Variants in SPOCK3 observed in about 807,000 individuals in gnomAD.
SPOCK3 encodes testican-3.
SPOCK3 carries 30 observed loss-of-function variants against 56.6 expected under a neutral mutation model. The ratio of observed to expected loss-of-function variants is 0.53; its 90% CI spans 0.40 to 0.72. The LOEUF (loss-of-function observed/expected upper bound fraction) is 0.72, where lower values mean the gene tolerates loss of function less well. Among genes scored for constraint, SPOCK3 ranks in the 30% least tolerant of loss-of-function variants. The probability of loss-of-function intolerance (pLI) is 0.00; values close to 1 mark genes in which losing one functional copy is unlikely to be tolerated. For synonymous variants in SPOCK3, 196 were observed against 183.3 expected, an observed-to-expected ratio of 1.07 and a Z score of -0.56; for missense variants, 527 against 530.0, an observed-to-expected ratio of 0.99 and a Z score of 0.06.
intron 8 of SPOCK3, among the ~76,000 whole-genome samples, chr4:166,753,417 T>C (rs1736673204): frequency 6.6e-6 from 1 of 152,008 alleles, no homozygotes; most frequent in Non-Finnish European, 1.5e-5. Context: ...GTAATAAATA[T>C]TTTAATACAG....
rs552155951 is a variant in SPOCK3, at chr4:166,903,298, G to C, written c.474+9322C>G. 4.0e-5 allele frequency among the ~76,000 whole-genome samples: 6 copies of C among 151,860 alleles called. No individual in the cohort carries two copies. In the East Asian group the frequency reaches 9.7e-4, roughly 24 times the overall value. On this transcript the variant is annotated intron_variant, in intron 5 of 10. Coordinates refer to ENST00000357545, the MANE Select transcript of SPOCK3 (RefSeq NM_001040159.2). ...TATATATTGAGGCTTCCAAGTCTTG[G>C]TGTAACTTAATATATGAAATCCCTT...
rs1017565779 is a variant in SPOCK3 at position 166,955,649 on chromosome 4, A to C, written c.351-42906T>G. Among the ~76,000 whole-genome samples the C allele has an allele frequency of 2.0e-5, 3 of 146,676 alleles. No individual in the cohort carries two copies. The Admixed American group carries it at 2.1e-4, about 10-fold the overall frequency. ...TAATTTAATTATATTAAATTTAATT[A>C]TAATATAAATTATAATATATAGAGA... is the stretch of plus-strand genomic sequence containing the variant. On this transcript the variant is annotated intron_variant, in intron 4 of 10. Coordinates refer to ENST00000357545, the MANE Select transcript of SPOCK3 (RefSeq NM_001040159.2).
intron 3 of SPOCK3, among the ~76,000 whole-genome samples, chr4:167,039,889 C>T (rs1463590296): frequency 6.6e-6 from 1 of 152,156 alleles, no homozygotes; most frequent in Non-Finnish European, 1.5e-5. Context: ...CTTGAATATT[C>T]TCACCTCTCC....
At chr4:166,910,620 T>C (rs941396775) in intron 5 of SPOCK3, among the ~76,000 whole-genome samples, 1 of 152,152 alleles carries the variant, frequency 6.6e-6, no homozygotes, top group Non-Finnish European at 1.5e-5. Flanking sequence ...TAATTGTAAC[T>C]TGGTGTCCTA....
intron 2 of SPOCK3, among the ~76,000 whole-genome samples, chr4:167,208,022 T>C (rs1734521864): frequency 6.6e-6 from 1 of 152,156 alleles, no homozygotes; most frequent in South Asian, 2.1e-4. Context: ...CTTGATACTC[T>C]TACTCAGGGC....
At chr4:167,229,825 A>G (rs532245610) in intron 2 of SPOCK3, among the ~76,000 whole-genome samples, 5 of 152,246 alleles carry the variant, frequency 3.3e-5, no homozygotes, top group African/African-American at 7.2e-5. Context: ...TACGTTAAAT[A>G]TACCCAAAGG....
At chr4:166,968,410 A>T (rs556997431) in intron 4 of SPOCK3, among the ~76,000 whole-genome samples, 18 of 152,208 alleles carry the variant, frequency 1.2e-4, no homozygotes, top group African/African-American at 4.1e-4. Flanking sequence ...TAGGAGGAAA[A>T]AATGCTTTTT....
At chr4:166,817,310 T>G (rs922834572) in intron 6 of SPOCK3, among the ~76,000 whole-genome samples, 2 of 152,048 alleles carry the variant, frequency 1.3e-5, no homozygotes, top group African/African-American at 4.8e-5. Context: ...CATTACCTCT[T>G]ATGTTCCAGG....
intron 4 of SPOCK3, among the ~76,000 whole-genome samples, chr4:166,927,285 T>C (rs1012797537): frequency 4.6e-5 from 7 of 152,306 alleles, no homozygotes; most frequent in Non-Finnish European, 7.4e-5. Context: ...TGAGGGATAA[T>C]TGAATCATTG....
chr4:167,219,495 C>T lies in SPOCK3; in HGVS notation c.189+14490G>A, dbSNP rs371441326. 6.0e-4 allele frequency among the ~76,000 whole-genome samples: 92 copies of T among 152,230 alleles called. 4 individuals carry two copies. The South Asian group carries it at 7.9e-3, about 13-fold the overall frequency. On this transcript the variant is annotated intron_variant, in intron 2 of 10. Transcript: ENST00000357545. ...ATCTAATGTTTTACCAGTATTCAGG[C>T]GCACAATGTCTTGCAATGTTTTACA...
chr4:167,230,124 C>CT (rs923893566), intron 2 of SPOCK3, among the ~76,000 whole-genome samples: 7 of 151,348 alleles, frequency 4.6e-5, no homozygotes, highest in Non-Finnish European at 8.9e-5. Context: ...CATATTTTAT[C>CT]TTTTTTTGTC....
At chr4:167,100,657 T>C (rs572646013) in intron 2 of SPOCK3, among the ~76,000 whole-genome samples, 2 of 152,156 alleles carry the variant, frequency 1.3e-5, no homozygotes, top group South Asian at 4.1e-4. Flanking sequence ...TTACATAGAA[T>C]AAAAATATTA....
At chr4:167,202,464 CA>C (rs1733611358) in intron 2 of SPOCK3, among the ~76,000 whole-genome samples, 1 of 151,912 alleles carries the variant, frequency 6.6e-6, no homozygotes, top group Non-Finnish European at 1.5e-5. Context: ...AACTAGTTAG[CA>C]GGTATCATTA....
chr4:166,904,328 T>A (rs1236087754), intron 5 of SPOCK3, among the ~76,000 whole-genome samples: 1 of 152,068 alleles, frequency 6.6e-6, no homozygotes, highest in Non-Finnish European at 1.5e-5. Context: ...ATTGAGTCAT[T>A]CATTAATACA....
intron 5 of SPOCK3, among the ~76,000 whole-genome samples, chr4:166,905,642 C>T (rs1736528070): frequency 6.6e-6 from 1 of 151,630 alleles, no homozygotes; most frequent in South Asian, 2.1e-4. Flanking sequence ...GAAGTCCTAA[C>T]CAAAACCTAA....
At chr4:166,766,013 C>T (rs1288707073) in intron 7 of SPOCK3, among the ~76,000 whole-genome samples, 1 of 151,978 alleles carries the variant, frequency 6.6e-6, no homozygotes, top group Non-Finnish European at 1.5e-5. Context: ...TATAAGAATA[C>T]TTGTGGTTTT....
chr4:167,094,664 TA>T (rs1365534665), intron 2 of SPOCK3, among the ~76,000 whole-genome samples: 1 of 152,150 alleles, frequency 6.6e-6, no homozygotes, highest in East Asian at 1.9e-4. Context: ...ACGCGAGAGT[TA>T]GTATTATACT....
chr4:167,018,341 A>G (rs1383450568), intron 3 of SPOCK3, among the ~76,000 whole-genome samples: 1 of 152,044 alleles, frequency 6.6e-6, no homozygotes, highest in East Asian at 1.9e-4. Context: ...TAATCATTAC[A>G]TACTTTAGAA....
chr4:167,160,486 A>C (rs939078526), intron 2 of SPOCK3, among the ~76,000 whole-genome samples: 7 of 152,148 alleles, frequency 4.6e-5, no homozygotes, highest in Non-Finnish European at 8.8e-5. Flanking sequence ...TTATAGATTC[A>C]ATGCCATCCC....
Sources: gnomAD v4.1 joint callset for allele counts (sites outside exome capture counted in the v4.1 genomes callset) on GRCh38, gnomAD v4.1.1 for gene constraint, MANE v1.5 for transcripts, NCBI Gene and HGNC (gene_info 2026-07-23, HGNC 2026-07-21) for gene names.